The following SGCD variants were observed in gnomAD, a reference collection of about 807,000 sequenced individuals.
SGCD encodes sarcoglycan delta.
SGCD carries 18 observed loss-of-function variants against 36.6 expected under a neutral mutation model. The ratio of observed to expected loss-of-function variants is 0.49; its 90% CI spans 0.34 to 0.73. The LOEUF (loss-of-function observed/expected upper bound fraction) is 0.73. Ranked by LOEUF, SGCD falls within the 30% of genes least tolerant of loss-of-function variation. The pLI is 0.01. For missense variants in SGCD, 387 were observed against 346.7 expected, an observed-to-expected ratio of 1.12 and a Z score of -0.92; for synonymous variants, 133 against 130.6, an observed-to-expected ratio of 1.02 and a Z score of -0.12.
At chr5:156,283,865 C>T (rs774161086) in intron 3 of SGCD, among the ~76,000 whole-genome samples, 1 of 152,130 alleles carries the variant, frequency 6.6e-6, no homozygotes, top group Non-Finnish European at 1.5e-5. Context: ...ATCTGTTTGA[C>T]GCTGAGGAGA....
intron 4 of SGCD, among the ~76,000 whole-genome samples, chr5:156,514,831 T>A (rs765035226): frequency 4.1e-4 from 62 of 152,226 alleles, no homozygotes; most frequent in Non-Finnish European, 6.8e-4. Flanking sequence ...AACTGAGATA[T>A]TAACACCTAC....
At chr5:156,083,343 G>A (rs1761010185) in intron 1 of SGCD, among the ~76,000 whole-genome samples, 1 of 149,950 alleles carries the variant, frequency 6.7e-6, no homozygotes, top group South Asian at 2.1e-4. Context: ...TGTCCAGGCT[G>A]GAGTGCAATG....
rs113766046 is a variant in SGCD at position 156,742,619 on chromosome 5, A to G, written c.576-14962A>G. On this transcript the variant is annotated intron_variant, in intron 7 of 8. Transcript: ENST00000337851. Reference sequence around the variant, plus strand: ...AGAAAAAACTGGACATAGATTTACTATAAGAAATTGACTCACACAATTACA... The same window carrying G: ...AGAAAAAACTGGACATAGATTTACTGTAAGAAATTGACTCACACAATTACA... Among the ~76,000 whole-genome samples the G allele has an allele frequency of 1.3e-4, 20 of 152,348 alleles. No homozygotes were observed. In the East Asian group the frequency reaches 2.5e-3, roughly 19 times the overall value.
At chr5:156,010,694 C>G (rs560970348) in intron 1 of SGCD, among the ~76,000 whole-genome samples, 41 of 152,214 alleles carry the variant, frequency 2.7e-4, no homozygotes, top group Non-Finnish European at 5.4e-4. Context: ...TTGGCACAAA[C>G]TTGGAATGGA....
chr5:155,805,934 A>G, the SGCD span, among the ~76,000 whole-genome samples: 1 of 152,204 alleles, frequency 6.6e-6, no homozygotes, highest in Non-Finnish European at 1.5e-5. Context: ...GCTGGGAAGC[A>G]GTTAGAAGCA....
chr5:156,518,519 A>G (rs2113022458), intron 4 of SGCD, among the ~76,000 whole-genome samples: 1 of 152,314 alleles, frequency 6.6e-6, no homozygotes, highest in South Asian at 2.1e-4. Flanking sequence ...CTCCATCCAC[A>G]AACAACAGAA....
chr5:156,592,482 T>C (rs1760764060), intron 5 of SGCD, among the ~76,000 whole-genome samples: 1 of 152,202 alleles, frequency 6.6e-6, no homozygotes, highest in African/African-American at 2.4e-5. Flanking sequence ...TCTCAGCTCT[T>C]TCAAGATTTC....
the SGCD span, among the ~76,000 whole-genome samples, chr5:155,858,085 C>T: frequency 3.6e-4 from 55 of 152,096 alleles, no homozygotes; most frequent in Admixed American, 2.3e-3. Context: ...GAATGTATAG[C>T]GCGTGTATAT....
chr5:156,374,829 CG>C (rs1390670726), intron 3 of SGCD, among the ~76,000 whole-genome samples: 1 of 152,022 alleles, frequency 6.6e-6, no homozygotes, highest in Non-Finnish European at 1.5e-5. Context: ...ACACTCCAGC[CG>C]TGGTGTGAGG....
intron 1 of SGCD, among the ~76,000 whole-genome samples, chr5:156,061,678 G>A (rs1354005799): frequency 3.4e-5 from 5 of 145,886 alleles, no homozygotes; most frequent in Admixed American, 3.4e-4. Flanking sequence ...CACAATTGTT[G>A]TTAATTAGGA....
chr5:155,919,381 A>G (rs1756825041), intron 1 of SGCD, among the ~76,000 whole-genome samples: 1 of 152,192 alleles, frequency 6.6e-6, no homozygotes, highest in African/African-American at 2.4e-5. Flanking sequence ...ATGGTACAAA[A>G]CTTGCATTGC....
At chr5:156,214,487 G>A (rs917623548) in intron 3 of SGCD, among the ~76,000 whole-genome samples, 13 of 151,942 alleles carry the variant, frequency 8.6e-5, no homozygotes, top group East Asian at 5.8e-4. Flanking sequence ...AAGATATGTC[G>A]TGTTTATGGA....
chr5:155,997,695 A>G (rs1303947684), intron 1 of SGCD, among the ~76,000 whole-genome samples: 1 of 152,242 alleles, frequency 6.6e-6, no homozygotes, highest in Non-Finnish European at 1.5e-5. Flanking sequence ...TCTTCAATCT[A>G]CAAATGCACT....
chr5:156,385,512 A>G (rs1000770763), intron 3 of SGCD, among the ~76,000 whole-genome samples: 2 of 152,258 alleles, frequency 1.3e-5, no homozygotes, highest in African/African-American at 2.4e-5. Context: ...AAATTCAACA[A>G]TCCTCACTGG....
intron 1 of SGCD, among the ~76,000 whole-genome samples, chr5:156,014,882 G>A (rs377043842): frequency 3.9e-5 from 6 of 152,084 alleles, no homozygotes; most frequent in Admixed American, 1.3e-4. Context: ...ATGCTTCCTC[G>A]TAGGGAAGTT....
chr5:156,476,776 C>A lies in SGCD; in HGVS notation c.193-31825C>A, dbSNP rs1317235046. Among the ~76,000 whole-genome samples, 5 of 152,272 alleles carry A rather than the reference C, an allele frequency of 3.3e-5. No homozygotes were observed. The East Asian group carries it at 7.7e-4, about 24-fold the overall frequency. ...CCCATCCAGGCTGCTTCAGTTATAA[C>A]AATGACTCTGGGAATCCTAATCAGG... is the stretch of plus-strand genomic sequence containing the variant. On this transcript the variant is annotated intron_variant, in intron 3 of 8. Coordinates refer to ENST00000337851, the MANE Select transcript of SGCD (RefSeq NM_000337.6).
At chr5:156,133,869 G>A (rs867141163) in intron 3 of SGCD, among the ~76,000 whole-genome samples, 21 of 151,052 alleles carry the variant, frequency 1.4e-4, no homozygotes, top group South Asian at 8.3e-4. Context: ...AGTTGCTGCT[G>A]CGTTCAAAAT....
chr5:156,476,037 C>G (rs1356963754), intron 3 of SGCD, among the ~76,000 whole-genome samples: 1 of 152,164 alleles, frequency 6.6e-6, no homozygotes, highest in African/African-American at 2.4e-5. Context: ...GGGTAACAGT[C>G]AGCTGTGACC....
intron 6 of SGCD, among the ~76,000 whole-genome samples, chr5:156,629,383 A>G (rs1268391067): frequency 2.6e-5 from 4 of 152,214 alleles, no homozygotes; most frequent in Admixed American, 2.6e-4. Flanking sequence ...TTGGAAGAAT[A>G]TTTTTACAAG....
Sources: allele counts gnomAD v4.1 joint callset (sites outside exome capture counted in the v4.1 genomes callset), GRCh38; gene constraint gnomAD v4.1.1; transcripts MANE v1.5; gene names NCBI Gene and HGNC (gene_info 2026-07-23, HGNC 2026-07-21).